CNR1: variants seen among roughly 807,000 people sequenced by gnomAD.
CNR1 encodes cannabinoid receptor 1 (brain).
In CNR1, 10 loss-of-function variants were observed where a neutral mutation model predicts 23.0. That is an observed-to-expected ratio of 0.43 (90% CI 0.27 to 0.74). The LOEUF (loss-of-function observed/expected upper bound fraction) is 0.74. Among genes scored for constraint, CNR1 ranks in the 30% least tolerant of loss-of-function variants. The pLI is 0.19. For synonymous variants in CNR1, 271 were observed against 255.2 expected, an observed-to-expected ratio of 1.06 and a Z score of -0.59; for missense variants, 422 against 618.8, an observed-to-expected ratio of 0.68 and a Z score of 3.37.
At chr6:88,151,822 T>G (rs1777536241) in intron 1 of CNR1, among the ~76,000 whole-genome samples, 1 of 152,106 alleles carries the variant, frequency 6.6e-6, no homozygotes, top group Admixed American at 6.5e-5. Flanking sequence ...TTATTGAATG[T>G]CTGTTATATC....
rs890034966 is a variant in CNR1 at position 88,141,120 on chromosome 6, T to C, written c.*2736A>G. 3 of 152,310 alleles carry C rather than the reference T, an allele frequency of 2.0e-5. No homozygotes were observed. Among genetic ancestry groups the C allele is most frequent in the African/African-American group, 7.2e-5 (3 of 41,434 alleles). 9.4% of individuals were successfully genotyped at this position (152,310 alleles called of 1,614,324 possible). A position where few individuals can be genotyped will look rare whatever the true frequency, so the allele number is the denominator to read the frequency against. On this transcript the variant is annotated 3_prime_UTR_variant, in exon 2 of 2. Coordinates refer to ENST00000369501, the MANE Select transcript of CNR1 (RefSeq NM_016083.6). ...ATAAAACTTACTTAAATTTAAATCA[T>C]TTAAATTAATGGATCTAATTATGGG...
intron 1 of CNR1, among the ~76,000 whole-genome samples, chr6:88,152,437 C>T (rs1777579739): frequency 6.6e-6 from 1 of 152,110 alleles, no homozygotes; most frequent in African/African-American, 2.4e-5. Flanking sequence ...ATGCAAAAAA[C>T]ATGTTTCTGT....
chr6:88,144,005 T>C lies in CNR1; in HGVS notation c.1270A>G (p.Asn424Asp). Reference protein sequence around the residue: ...SCEGTAQPLDNSMGDSDCLHK... With the variant: ...SCEGTAQPLDDSMGDSDCLHK... ...AGGCAGTCCGAGTCCCCCATGCTGT[T>C]ATCCAGAGGCTGCGCAGTGCCTTCA... The change falls in exon 2 of 2, where the codon AAC becomes GAC. Residue 424 changes from asparagine to aspartate, a missense_variant. Around this residue, in one of 4 missense-constraint regions of CNR1, gnomAD observed 79 missense variants for 98.0 expected, o/e 0.81. Transcript: ENST00000369501. This position sits in a 1 kb window ranked among gnomAD's most constrained non-coding sequence, Gnocchi z 7.8. 5 of 1,614,024 alleles carry C rather than the reference T, an allele frequency of 3.1e-6. No homozygotes were observed. Among genetic ancestry groups the C allele is most frequent in the African/African-American group, 1.3e-5 (1 of 74,980 alleles).
chr6:88,163,882 CAGAG>C (rs903034522), intron 1 of CNR1, among the ~76,000 whole-genome samples: 2 of 152,158 alleles, frequency 1.3e-5, no homozygotes, highest in Admixed American at 6.5e-5. Context: ...ACAGGCAAGA[CAGAG>C]AGGAACATGG....
chr6:88,148,830 C>A (rs1323949453), intron 1 of CNR1, among the ~76,000 whole-genome samples: 1 of 152,200 alleles, frequency 6.6e-6, no homozygotes, highest in African/African-American at 2.4e-5. Context: ...CCAGAAGGCT[C>A]CCTTAGCTCC....
intron 1 of CNR1, among the ~76,000 whole-genome samples, chr6:88,151,659 T>A (rs1777527402): frequency 6.6e-6 from 1 of 151,510 alleles, no homozygotes; most frequent in African/African-American, 2.4e-5. Flanking sequence ...ATACTAATTA[T>A]ATTGTAAGAA....
Position 88,144,502 on chromosome 6 carries a change from T to C in CNR1, c.773A>G (p.Glu258Gly). The C allele has an allele frequency of 6.2e-7, 1 of 1,614,210 alleles. No homozygotes were observed. Among genetic ancestry groups the C allele is most frequent in the Non-Finnish European group, 8.5e-7 (1 of 1,180,040 alleles). The change falls in exon 2 of 2, where the codon GAG (glutamate) becomes GGG (glycine). Residue 258 changes from glutamate (E) to glycine (G), a missense_variant. By Grantham distance (98) the Glu-to-Gly change is moderately conservative. Around this residue, in one of 4 missense-constraint regions of CNR1, gnomAD observed 211 missense variants for 357.3 expected, o/e 0.59. Coordinates refer to ENST00000369501, the MANE Select transcript of CNR1 (RefSeq NM_016083.6). This position sits in a 1 kb window ranked among gnomAD's most constrained non-coding sequence, Gnocchi z 7.8. ...AVLPLLGWNC[E>G]KLQSVCSDIF... ...GTCTGAGCAAACAGATTGCAGTTTC[T>C]CGCAGTTCCAGCCCAGGAGAGGCAG...
chr6:88,146,842 T>C (rs1293479652), intron 1 of CNR1, among the ~76,000 whole-genome samples: 2 of 152,326 alleles, frequency 1.3e-5, no homozygotes, highest in Admixed American at 6.5e-5. Flanking sequence ...TTTAAAAATG[T>C]TGAACTAACA....
rs1776725546 is a variant in CNR1 at position 88,140,095 on chromosome 6, A to G, written c.*3761T>C. On this transcript the variant is annotated 3_prime_UTR_variant, in exon 2 of 2. Coordinates refer to ENST00000369501, the MANE Select transcript of CNR1 (RefSeq NM_016083.6). ...CAATCTTACCAGTACTTGTATACAA[A>G]GTATTATACAGATTACTAACGAAGA... is the stretch of plus-strand genomic sequence containing the variant. The G allele has an allele frequency of 6.5e-6, 1 of 152,794 alleles. No homozygotes were observed. The highest frequency in any genetic ancestry group is 1.5e-5 in the Non-Finnish European group (1 of 68,048). 9.5% of individuals were successfully genotyped at this position (152,794 alleles called of 1,614,324 possible). A position where few individuals can be genotyped will look rare whatever the true frequency, so the allele number is the denominator to read the frequency against.
Position 88,160,346 on chromosome 6 carries a change from G to A in CNR1, c.-64+5457C>T, listed in dbSNP as rs151227576. ...AACATCATTTTTAGCTTTTTGACCC[G>A]AAGAAATCAATGTTATGAATTACCT... On this transcript the variant is annotated intron_variant, in intron 1 of 1. Transcript: ENST00000369501. 5.8e-3 allele frequency among the ~76,000 whole-genome samples: 885 copies of A among 151,354 alleles called. 3 individuals are homozygous for A. The highest frequency in any genetic ancestry group is 8.4e-3 in the Non-Finnish European group (568 of 67,884).
intron 1 of CNR1, among the ~76,000 whole-genome samples, chr6:88,158,468 T>C (rs548811323): frequency 6.6e-6 from 1 of 152,316 alleles, no homozygotes; most frequent in African/African-American, 2.4e-5. Context: ...TGTAAGTGCA[T>C]GCAGGGTTAG....
chr6:88,165,050 TTTG>T (rs1222614348), intron 1 of CNR1, among the ~76,000 whole-genome samples: 4 of 151,766 alleles, frequency 2.6e-5, no homozygotes, highest in Non-Finnish European at 5.9e-5. Context: ...AAACATTTCT[TTTG>T]TTTTTTTATC....
At chr6:88,162,595 G>A (rs557460759) in intron 1 of CNR1, among the ~76,000 whole-genome samples, 2 of 151,904 alleles carry the variant, frequency 1.3e-5, no homozygotes, top group South Asian at 4.2e-4. Context: ...ATAATATAAA[G>A]TTACCATTTC....
At position 88,139,927 on chromosome 6, in the gene CNR1, A is replaced by G. The variant is rs954064649; in HGVS notation, c.*3929T>C. The G allele has an allele frequency of 6.6e-6, 1 of 152,386 alleles. No homozygotes were observed. The highest frequency in any genetic ancestry group is 2.4e-5 in the African/African-American group (1 of 41,466). 9.4% of individuals were successfully genotyped at this position (152,386 alleles called of 1,614,324 possible). ...TTCCAGGTAACTTTGGACAATAGAC[A>G]TGATGAGATGTTTTCTCTTTGAATA... On this transcript the variant is annotated 3_prime_UTR_variant, in exon 2 of 2. Coordinates refer to ENST00000369501, the MANE Select transcript of CNR1 (RefSeq NM_016083.6).
At position 88,142,866 on chromosome 6, in the gene CNR1, G is replaced by C. The variant is rs1013883757; in HGVS notation, c.*990C>G. 6.6e-6 allele frequency: 1 copy of C among 152,638 alleles called. No individual in the cohort carries two copies. The highest frequency in any genetic ancestry group is 2.1e-4 in the South Asian group (1 of 4,822). The allele number at this position is 152,638 out of a possible 1,614,324, so 9.5% of individuals were successfully genotyped here. A position where few individuals can be genotyped will look rare whatever the true frequency, so the allele number is the denominator to read the frequency against. ...TGAAGACTGTTGTTTGGCCACCCAGGCATGAAATCTACTTAAACCTGGAAT... is the reference window on the plus strand; with the variant it reads ...TGAAGACTGTTGTTTGGCCACCCAGCCATGAAATCTACTTAAACCTGGAAT... On this transcript the variant is annotated 3_prime_UTR_variant, in exon 2 of 2. Coordinates refer to ENST00000369501, the MANE Select transcript of CNR1 (RefSeq NM_016083.6).
chr6:88,161,338 G>C (rs1244505387), intron 1 of CNR1, among the ~76,000 whole-genome samples: 1 of 152,088 alleles, frequency 6.6e-6, no homozygotes, highest in Non-Finnish European at 1.5e-5. Context: ...TCGGGTTTTG[G>C]GAGTAAACAA....
In CNR1 at chr6:88,150,267, A is replaced by G. The variant is rs1410570054; in HGVS notation, c.-63-4930T>C. On this transcript the variant is annotated intron_variant, in intron 1 of 1. Transcript: ENST00000369501. ...GATTATCTTTATGTATTAGATTCAC[A>G]AGATTTAAGATTCAAAAGGTACAGA... is the stretch of plus-strand genomic sequence containing the variant. Among the ~76,000 whole-genome samples the G allele has an allele frequency of 2.6e-5, 4 of 152,222 alleles. No homozygotes were observed. The East Asian group carries it at 5.8e-4, about 22-fold the overall frequency.
chr6:88,143,886 C>G lies in CNR1; in HGVS notation c.1389G>C (p.Val463=). The G allele has an allele frequency of 6.2e-7, 1 of 1,613,972 alleles. No individual in the cohort carries two copies. The highest frequency in any genetic ancestry group is 8.5e-7 in the Non-Finnish European group (1 of 1,179,942). ...GAGCCTCGGCAGACGTGTCTGTGGA[C>G]ACAGACATGGTTACCTTGGCAATCT... ...TVKIAKVTMS[V]STDTSAEAL is the part of the protein sequence containing the mutation. The change falls in exon 2 of 2, where the codon GTG becomes GTC. Residue 463 remains valine, a synonymous_variant. Coordinates refer to ENST00000369501, the MANE Select transcript of CNR1 (RefSeq NM_016083.6).
In CNR1 at chr6:88,143,995, C is replaced by A; in HGVS notation, c.1280G>T (p.Gly427Val). The A allele has an allele frequency of 6.2e-7, 1 of 1,613,932 alleles. No individual in the cohort carries two copies. Among genetic ancestry groups the A allele is most frequent in the Non-Finnish European group, 8.5e-7 (1 of 1,180,006 alleles). ...GTGTTTGTGCAGGCAGTCCGAGTCC[C>A]CCATGCTGTTATCCAGAGGCTGCGC... ...GTAQPLDNSM[G>V]DSDCLHKHAN... The change falls in exon 2 of 2, where the codon GGG becomes GTG. Residue 427 changes from glycine to valine, a missense_variant. Gly to Val is a moderately radical substitution (Grantham distance 109). This residue lies in a region of CNR1 where 79 missense variants were observed against 98.0 expected (regional missense o/e 0.81). Transcript: ENST00000369501.
Sources: allele counts gnomAD v4.1 joint callset (sites outside exome capture counted in the v4.1 genomes callset), GRCh38; gene constraint gnomAD v4.1.1; regional missense constraint gnomAD v4.1.1; non-coding constraint Gnocchi (gnomAD v3.1); transcripts MANE v1.5; gene names NCBI Gene and HGNC (gene_info 2026-07-23, HGNC 2026-07-21).